Variants in GMDS observed in about 807,000 individuals in gnomAD.
GMDS encodes the protein GDP-mannose 4,6-dehydratase.
Under a neutral mutation model 49.9 loss-of-function variants are expected in GMDS, and 20 were observed. The ratio of observed to expected loss-of-function variants is 0.40; its 90% CI spans 0.28 to 0.58. The LOEUF (loss-of-function observed/expected upper bound fraction) is 0.58. Among genes scored for constraint, GMDS ranks in the 20% least tolerant of loss-of-function variants. The pLI is 0.42. For synonymous variants in GMDS, 177 were observed against 178.6 expected, an observed-to-expected ratio of 0.99 and a Z score of 0.07; for missense variants, 362 against 481.4, an observed-to-expected ratio of 0.75 and a Z score of 2.32.
At chr6:1,733,680 G>C (rs1048588404) in intron 8 of GMDS, among the ~76,000 whole-genome samples, 2 of 152,124 alleles carry the variant, frequency 1.3e-5, no homozygotes, top group African/African-American at 4.8e-5. Flanking sequence ...AGCTGGGCCT[G>C]GTGGTGTGCA....
chr6:2,114,774 G>A (rs1219484994), intron 4 of GMDS, among the ~76,000 whole-genome samples: 2 of 152,100 alleles, frequency 1.3e-5, no homozygotes, highest in Non-Finnish European at 2.9e-5. Context: ...CTCTCACCAT[G>A]TTCTCCACTT....
intron 8 of GMDS, among the ~76,000 whole-genome samples, chr6:1,731,808 G>C (rs1252751077): frequency 6.6e-6 from 1 of 152,192 alleles, no homozygotes; most frequent in African/African-American, 2.4e-5. Context: ...TGACACAGCA[G>C]GGTTTGACCT....
At chr6:1,779,692 A>T (rs1768998699) in intron 7 of GMDS, among the ~76,000 whole-genome samples, 1 of 152,140 alleles carries the variant, frequency 6.6e-6, no homozygotes, top group Admixed American at 6.5e-5. Flanking sequence ...CACAAGCATG[A>T]CTCAATCATG....
intron 1 of GMDS, among the ~76,000 whole-genome samples, chr6:2,149,518 T>G (rs1776741435): frequency 6.6e-6 from 1 of 152,048 alleles, no homozygotes; most frequent in South Asian, 2.1e-4. Context: ...TGAACCTAGG[T>G]CCATTAAAAG....
chr6:2,085,809 G>C (rs1772980268), intron 4 of GMDS, among the ~76,000 whole-genome samples: 1 of 152,124 alleles, frequency 6.6e-6, no homozygotes, highest in African/African-American at 2.4e-5. Context: ...TTACAGGCGT[G>C]AGTCACCACA....
chr6:1,774,200 T>C (rs1768700825), intron 7 of GMDS, among the ~76,000 whole-genome samples: 1 of 152,260 alleles, frequency 6.6e-6, no homozygotes, highest in Non-Finnish European at 1.5e-5. Flanking sequence ...AATGTTCATA[T>C]AAACATAGCT....
chr6:1,685,834 T>G (rs2569854), intron 9 of GMDS, among the ~76,000 whole-genome samples: 134,510 of 152,204 alleles, frequency 0.88, 59,682 homozygotes, highest in Middle Eastern at 0.94. Flanking sequence ...AGCATTTCTC[T>G]GCTTCACTAA....
chr6:1,877,499 G>T (rs1006756846), intron 7 of GMDS, among the ~76,000 whole-genome samples: 2 of 151,926 alleles, frequency 1.3e-5, no homozygotes, highest in African/African-American at 4.8e-5. Context: ...TTAGCCAGGC[G>T]TGACGGTGTG....
At chr6:2,050,170 G>C (rs1244478513) in intron 4 of GMDS, among the ~76,000 whole-genome samples, 1 of 151,870 alleles carries the variant, frequency 6.6e-6, no homozygotes, top group African/African-American at 2.4e-5. Context: ...TCGAATAGAC[G>C]CAATAAAAAA....
At chr6:1,871,714 A>AG (rs1321003056) in intron 7 of GMDS, among the ~76,000 whole-genome samples, 2 of 152,254 alleles carry the variant, frequency 1.3e-5, no homozygotes, top group Non-Finnish European at 2.9e-5. Context: ...GTGAATAGTA[A>AG]GGAAAGCCAA....
chr6:1,651,559 G>A (rs1000144726), intron 9 of GMDS, among the ~76,000 whole-genome samples: 3 of 152,194 alleles, frequency 2.0e-5, no homozygotes, highest in African/African-American at 4.8e-5. Flanking sequence ...CACCCAGGGC[G>A]TGGGACATAC....
chr6:1,659,717 C>T (rs1475814005), intron 9 of GMDS, among the ~76,000 whole-genome samples: 1 of 152,108 alleles, frequency 6.6e-6, no homozygotes, highest in Non-Finnish European at 1.5e-5. Flanking sequence ...CACTTTTCAC[C>T]CTGACCATGT....
chr6:1,719,855 G>A (rs1051704701), intron 9 of GMDS, among the ~76,000 whole-genome samples: 3 of 152,222 alleles, frequency 2.0e-5, no homozygotes, highest in African/African-American at 4.8e-5. Context: ...CTTTTAAGAC[G>A]ATAAAAAGAT....
At chr6:1,966,307 T>C (rs183586383) in intron 4 of GMDS, among the ~76,000 whole-genome samples, 299 of 150,456 alleles carry the variant, frequency 2.0e-3, no homozygotes, top group Non-Finnish European at 3.6e-3. Flanking sequence ...TTCAGAGGCA[T>C]GCAGACCAAG....
intron 9 of GMDS, among the ~76,000 whole-genome samples, chr6:1,701,027 A>G (rs1765525961): frequency 1.3e-5 from 2 of 152,188 alleles, no homozygotes; most frequent in African/African-American, 2.4e-5. Context: ...CAGGGACTAA[A>G]AAGTCTGGGT....
chr6:1,727,865 A>T (rs1049712437), intron 8 of GMDS, among the ~76,000 whole-genome samples: 3 of 152,238 alleles, frequency 2.0e-5, no homozygotes, highest in African/African-American at 7.2e-5. Context: ...TATATAGCGC[A>T]GTATGTTGAA....
chr6:1,943,194 T>C (rs1282321468), intron 6 of GMDS, among the ~76,000 whole-genome samples: 1 of 152,148 alleles, frequency 6.6e-6, no homozygotes, highest in African/African-American at 2.4e-5. Context: ...GTCTTCTCCT[T>C]CTCTGGACGG....
intron 7 of GMDS, among the ~76,000 whole-genome samples, chr6:1,765,655 A>C (rs1408716620): frequency 1.3e-5 from 2 of 152,182 alleles, no homozygotes; most frequent in African/African-American, 4.8e-5. Flanking sequence ...CAGGAACAGA[A>C]GGCAAATTTC....
intron 2 of GMDS, among the ~76,000 whole-genome samples, chr6:2,124,410 C>T (rs1191883809): frequency 2.6e-5 from 4 of 152,172 alleles, no homozygotes; most frequent in Non-Finnish European, 5.9e-5. Context: ...GTTACAGCTT[C>T]GCTTGCACAG....
Sources: gnomAD v4.1 joint callset for allele counts (sites outside exome capture counted in the v4.1 genomes callset) on GRCh38, gnomAD v4.1.1 for gene constraint, MANE v1.5 for transcripts, NCBI Gene and HGNC (gene_info 2026-07-23, HGNC 2026-07-21) for gene names.